PTPRR: variants seen among roughly 807,000 people sequenced by gnomAD.
PTPRR encodes protein tyrosine phosphatase receptor type R.
In PTPRR, 38 loss-of-function variants were observed where a neutral mutation model predicts 77.2. The ratio of observed to expected loss-of-function variants is 0.49; its 90% CI spans 0.38 to 0.65. The LOEUF is 0.65. Among genes scored for constraint, PTPRR ranks in the 30% least tolerant of loss-of-function variants. The pLI, the probability that PTPRR is intolerant of heterozygous loss-of-function variation, is 0.00. For missense variants in PTPRR, 744 were observed against 799.2 expected, an observed-to-expected ratio of 0.93 and a Z score of 0.83; for synonymous variants, 299 against 283.1, an observed-to-expected ratio of 1.06 and a Z score of -0.57.
intron 2 of PTPRR, among the ~76,000 whole-genome samples, chr12:70,879,349 A>G (rs1425596887): frequency 6.6e-6 from 1 of 152,032 alleles, no homozygotes; most frequent in African/African-American, 2.4e-5. Flanking sequence ...TTTATTTTTA[A>G]TGTTGATAAA....
intron 10 of PTPRR, 57 bp downstream of exon 10, chr12:70,684,070 A>T (rs1213873295): frequency 2.8e-5 from 43 of 1,555,140 alleles, no homozygotes; most frequent in Non-Finnish European, 3.6e-5. Context: ...CTAACACAGT[A>T]TCTCTTCTAT....
chr12:70,709,430 T>C (rs1888741698), intron 6 of PTPRR, among the ~76,000 whole-genome samples: 1 of 152,140 alleles, frequency 6.6e-6, no homozygotes, highest in South Asian at 2.1e-4. Context: ...CTTTCACCAC[T>C]TGTAGTCAAC....
chr12:70,879,762 G>C (rs930968697), intron 2 of PTPRR, among the ~76,000 whole-genome samples: 1 of 152,128 alleles, frequency 6.6e-6, no homozygotes, highest in African/African-American at 2.4e-5. Context: ...TTTTGGCGTA[G>C]TGACTGTTTA....
At chr12:70,790,499 G>A (rs563045648) in intron 2 of PTPRR, among the ~76,000 whole-genome samples, 12 of 152,060 alleles carry the variant, frequency 7.9e-5, no homozygotes, top group Middle Eastern at 3.4e-3. Flanking sequence ...TCTATACAAT[G>A]GACAGCCCAA....
chr12:70,769,837 G>A (rs1039923673), intron 2 of PTPRR, among the ~76,000 whole-genome samples: 1 of 152,000 alleles, frequency 6.6e-6, no homozygotes, highest in Non-Finnish European at 1.5e-5. Flanking sequence ...ACAGAACAGA[G>A]ACCTCAGAAA....
intron 10 of PTPRR, among the ~76,000 whole-genome samples, chr12:70,683,777 A>G (rs958496067): frequency 1.7e-4 from 26 of 152,336 alleles, no homozygotes; most frequent in Non-Finnish European, 5.9e-5. Context: ...TGTATCCCCA[A>G]TGACTACAGT....
At chr12:70,736,249 G>A (rs60757359) in intron 6 of PTPRR, among the ~76,000 whole-genome samples, 2,361 of 152,218 alleles carry the variant, frequency 0.016, 57 homozygotes, top group African/African-American at 0.053. Flanking sequence ...AGTGTTTTGA[G>A]TCCACCTCAT....
chr12:70,730,648 C>T (rs1027611181), intron 6 of PTPRR, among the ~76,000 whole-genome samples: 3 of 151,952 alleles, frequency 2.0e-5, no homozygotes, highest in Non-Finnish European at 4.4e-5. Flanking sequence ...GCTAGTGAGA[C>T]CCCCATCTCT....
Position 70,909,847 on chromosome 12 carries a change from G to A in PTPRR, c.58+10486C>T, listed in dbSNP as rs76874894. On this transcript the variant is annotated intron_variant, in intron 1 of 13. Transcript: ENST00000283228. The stretch of plus-strand genomic sequence containing the variant: ...TACTTTGTCAGAAGAAAGGTTGCCC[G>A]TGGTGGCAGTGCCTCTGGTGGTTAG... Among the ~76,000 whole-genome samples the A allele has an allele frequency of 2.2e-4, 34 of 152,330 alleles. 1 individual carries two copies. In the East Asian group the frequency reaches 5.8e-3, roughly 26 times the overall value.
chr12:70,849,730 C>T lies in PTPRR; in HGVS notation c.357+42949G>A, dbSNP rs112070616. Among the ~76,000 whole-genome samples the T allele has an allele frequency of 2.1e-3, 327 of 152,230 alleles. 1 individual carries two copies. Among genetic ancestry groups the T allele is most frequent in the Non-Finnish European group, 4.2e-3 (284 of 68,010 alleles). On this transcript the variant is annotated intron_variant, in intron 2 of 13. Coordinates refer to ENST00000283228, the MANE Select transcript of PTPRR (RefSeq NM_002849.4). ...GACCAAGTGATTTGGGTATGGTGAT[C>T]GTTTCATCTGGCCCCTTACTATATG...
intron 2 of PTPRR, among the ~76,000 whole-genome samples, chr12:70,798,188 G>A (rs963107109): frequency 3.3e-5 from 5 of 152,142 alleles, no homozygotes; most frequent in African/African-American, 1.2e-4. Flanking sequence ...GGAAGTACCT[G>A]TGAATCATGT....
At chr12:70,733,484 A>G (rs1476437768) in intron 6 of PTPRR, among the ~76,000 whole-genome samples, 2 of 121,772 alleles carry the variant, frequency 1.6e-5, no homozygotes, top group South Asian at 2.9e-4. Flanking sequence ...AAAAAAAAGA[A>G]AAAAAAAGAA....
chr12:70,804,893 T>C (rs749052711), intron 2 of PTPRR, among the ~76,000 whole-genome samples: 6 of 152,194 alleles, frequency 3.9e-5, no homozygotes, highest in Admixed American at 6.5e-5. Flanking sequence ...AGTTTCCAGA[T>C]TGCCCATTGT....
chr12:70,893,494 A>G (rs1336585534), intron 1 of PTPRR, among the ~76,000 whole-genome samples: 2 of 151,914 alleles, frequency 1.3e-5, no homozygotes, highest in Non-Finnish European at 1.5e-5. Flanking sequence ...TGTGGTAGCA[A>G]CTTTCAGTAG....
At chr12:70,719,729 G>C (rs979145371) in intron 6 of PTPRR, among the ~76,000 whole-genome samples, 6 of 152,168 alleles carry the variant, frequency 3.9e-5, no homozygotes, top group African/African-American at 1.4e-4. Context: ...AGCATCTGCA[G>C]TCTGAACCCA....
intron 2 of PTPRR, among the ~76,000 whole-genome samples, chr12:70,817,658 G>A (rs1159982760): frequency 1.3e-5 from 2 of 152,092 alleles, no homozygotes; most frequent in African/African-American, 2.4e-5. Context: ...AGGAAATGCC[G>A]GTTCAAAATG....
chr12:70,752,735 T>G (rs1486654002), intron 5 of PTPRR, among the ~76,000 whole-genome samples: 2 of 152,172 alleles, frequency 1.3e-5, no homozygotes, highest in Non-Finnish European at 2.9e-5. Context: ...TCTCTTATCC[T>G]TTCTCATCTG....
At chr12:70,659,784 TA>T (rs1434700725) in intron 12 of PTPRR, among the ~76,000 whole-genome samples, 19 of 152,122 alleles carry the variant, frequency 1.2e-4, no homozygotes, top group Non-Finnish European at 2.4e-4. Context: ...AATTATACTC[TA>T]AAATAATATA....
At chr12:70,738,314 C>A (rs1889938919) in intron 6 of PTPRR, among the ~76,000 whole-genome samples, 1 of 152,154 alleles carries the variant, frequency 6.6e-6, no homozygotes, top group East Asian at 1.9e-4. Flanking sequence ...ATATCAGCAA[C>A]CCTTGGGGGC....
Sources: gnomAD v4.1 joint callset for allele counts (sites outside exome capture counted in the v4.1 genomes callset) on GRCh38, gnomAD v4.1.1 for gene constraint, MANE v1.5 for transcripts, NCBI Gene and HGNC (gene_info 2026-07-23, HGNC 2026-07-21) for gene names.